CHL1: variants seen among roughly 807,000 people sequenced by gnomAD.
The protein encoded by CHL1 is cell adhesion molecule L1 like, also known as neural cell adhesion molecule L1-like protein.
Under a neutral mutation model 141.9 loss-of-function variants are expected in CHL1, and 96 were observed. The ratio of observed to expected loss-of-function variants is 0.68; its 90% CI spans 0.57 to 0.80. The LOEUF (loss-of-function observed/expected upper bound fraction) is 0.80, where lower values mean the gene tolerates loss of function less well. Ranked by LOEUF, CHL1 falls within the 30% of genes least tolerant of loss-of-function variation. CHL1 has a pLI of 0.00. For missense variants in CHL1, 1,820 were observed against 1,457.2 expected (o/e 1.25, Z -4.05); for synonymous variants, 613 against 502.2 (o/e 1.22, Z -2.95).
intron 9 of CHL1, among the ~76,000 whole-genome samples, chr3:345,455 TTTATTTATTTAA>T (rs1053861792): frequency 9.4e-5 from 13 of 138,188 alleles, no homozygotes; most frequent in Admixed American, 2.1e-4. Flanking sequence ...TATTTATTTA[TTTATTTATTTAA>T]TTATTTATTC....
At chr3:352,564 G>T (rs1161066909) in intron 10 of CHL1, among the ~76,000 whole-genome samples, 2 of 152,098 alleles carry the variant, frequency 1.3e-5, no homozygotes, top group African/African-American at 2.4e-5. Context: ...ATAGATAAAA[G>T]AATGGGTTTC....
chr3:346,764 TAA>T (rs1023498672), intron 9 of CHL1, among the ~76,000 whole-genome samples: 10 of 152,182 alleles, frequency 6.6e-5, no homozygotes, highest in African/African-American at 2.2e-4. Context: ...GATACATTTT[TAA>T]AAAGTTTTTT....
chr3:319,304 T>C (rs1034391051), intron 2 of CHL1, among the ~76,000 whole-genome samples: 2 of 151,826 alleles, frequency 1.3e-5, no homozygotes, highest in African/African-American at 2.4e-5. Flanking sequence ...GAATCATGTA[T>C]ACACCAAGAT....
At chr3:238,642 T>A (rs1159869759) in intron 1 of CHL1, among the ~76,000 whole-genome samples, 1 of 151,968 alleles carries the variant, frequency 6.6e-6, no homozygotes, top group Admixed American at 6.6e-5. Context: ...AACCCTTTTC[T>A]GGCCAGGTAC....
intron 2 of CHL1, among the ~76,000 whole-genome samples, chr3:274,754 A>G (rs1695940724): frequency 6.6e-6 from 1 of 152,242 alleles, no homozygotes; most frequent in South Asian, 2.1e-4. Flanking sequence ...TTTGTGAAAT[A>G]CAGGTGTATC....
At chr3:278,223 G>A (rs1016155819) in intron 2 of CHL1, among the ~76,000 whole-genome samples, 2 of 152,228 alleles carry the variant, frequency 1.3e-5, no homozygotes, top group South Asian at 4.1e-4. Flanking sequence ...CTTGCTGTCT[G>A]TGTATTTGAC....
chr3:401,906 T>C (rs552751328), intron 27 of CHL1, among the ~76,000 whole-genome samples: 1 of 152,328 alleles, frequency 6.6e-6, no homozygotes, highest in African/African-American at 2.4e-5. Flanking sequence ...AATTACCGTC[T>C]AGGCAGAAAT....
chr3:204,077 C>A (rs890291536), intron 1 of CHL1, among the ~76,000 whole-genome samples: 1 of 152,186 alleles, frequency 6.6e-6, no homozygotes, highest in African/African-American at 2.4e-5. Flanking sequence ...TGGGCATGCT[C>A]ATATTCAGTG....
In CHL1 at chr3:391,814, AT is replaced by A. The variant is rs1292859298; in HGVS notation, c.2914+19del. 6.4e-7 allele frequency: 1 copy of A among 1,566,866 alleles called. No individual in the cohort carries two copies. The highest frequency in any genetic ancestry group is 1.4e-5 in the African/African-American group (1 of 72,622). On this transcript the variant is annotated intron_variant, in intron 23 of 27. Coordinates refer to ENST00000256509, the MANE Select transcript of CHL1 (RefSeq NM_006614.4). ...ATCAGATAAGTAAGTAGAAATTTGA[AT>A]TGGAGTTAACTTGTTAATGTTTCAT...
In CHL1 at chr3:354,489, G is replaced by A; in HGVS notation, c.1034-151G>A. 7.6e-6 allele frequency: 6 copies of A among 787,408 alleles called. No individual in the cohort carries two copies. In the South Asian group the frequency reaches 1.1e-4, roughly 15 times the overall value. 48.8% of individuals were successfully genotyped at this position (787,408 alleles called of 1,614,324 possible). On this transcript the variant is annotated intron_variant, in intron 10 of 27. Transcript: ENST00000256509. ...ACAACACAAAAGCAGCTCCCACCTT[G>A]CTTTGCAGAGCAAGTTTACCAAAAA... is the stretch of plus-strand genomic sequence containing the variant.
intron 2 of CHL1, 143 bp from the exon 3 acceptor site, chr3:319,540 A>C (rs775730838): frequency 1.0e-4 from 45 of 434,044 alleles, no homozygotes; most frequent in Non-Finnish European, 1.6e-4. Flanking sequence ...AATTTCATTC[A>C]TGCGGAGTTA....
At chr3:353,178 C>T (rs1703411756) in intron 10 of CHL1, among the ~76,000 whole-genome samples, 1 of 152,100 alleles carries the variant, frequency 6.6e-6, no homozygotes, top group South Asian at 2.1e-4. Flanking sequence ...AGTAATTATT[C>T]AAGAAGATTT....
In CHL1 at chr3:398,295, C is replaced by G. The variant is rs1708841005; in HGVS notation, c.3163C>G (p.Pro1055Ala). Residue 1055 changes from proline (P) to alanine (A), a missense_variant, in exon 25 of 28, where the codon CCG becomes GCG. Transcript: ENST00000256509. ...QKTHPIEVFE[P>A]GAEHIVRLMT... ...GACTCACCCAATAGAGGTATTTGAG[C>G]CGGGAGCTGAACATATAGTTCGCCT... The G allele has an allele frequency of 6.2e-7, 1 of 1,606,774 alleles. No individual in the cohort carries two copies. Among genetic ancestry groups the G allele is most frequent in the Non-Finnish European group, 8.5e-7 (1 of 1,173,532 alleles).
chr3:233,727 G>A (rs896281909), intron 1 of CHL1, among the ~76,000 whole-genome samples: 2 of 151,964 alleles, frequency 1.3e-5, no homozygotes, highest in African/African-American at 2.4e-5. Context: ...CAAAGTCTCA[G>A]CATTCAATAT....
At chr3:321,536 A>C (rs1444886359) in intron 3 of CHL1, among the ~76,000 whole-genome samples, 1 of 152,112 alleles carries the variant, frequency 6.6e-6, no homozygotes, top group African/African-American at 2.4e-5. Context: ...TCCGAATAGC[A>C]ACGAAGATGC....
chr3:390,977 G>T lies in CHL1; in HGVS notation c.2609G>T (p.Ser870Ile), dbSNP rs146957636. ...CAGATAAATTGGTGGAAAACAAAAA[G>T]TCTGTTGGATGGAAGAACACATCCC... ...GYQINWWKTK[S>I]LLDGRTHPKE... Residue 870 changes from serine to isoleucine, a missense_variant, in exon 22 of 28, where the codon AGT (serine) becomes ATT (isoleucine). Physicochemically the swap from Ser to Ile is moderately radical, Grantham distance 142 (BLOSUM62 -2). Coordinates refer to ENST00000256509, the MANE Select transcript of CHL1 (RefSeq NM_006614.4). The T allele has an allele frequency of 1.2e-6, 2 of 1,613,910 alleles. No individual in the cohort carries two copies. Among genetic ancestry groups the T allele is most frequent in the East Asian group, 2.2e-5 (1 of 44,888 alleles).
At chr3:348,924 A>G (rs2047505) in intron 9 of CHL1, among the ~76,000 whole-genome samples, 145,839 of 152,322 alleles carry the variant, frequency 0.96, 70,115 homozygotes, top group East Asian at 1. Context: ...CTGACTGTTA[A>G]GTCCCACTTT....
At chr3:349,681 A>T in intron 10 of CHL1, 138 bp downstream of exon 10, 1 of 705,634 alleles carries the variant, frequency 1.4e-6, no homozygotes, top group South Asian at 2.0e-5. Flanking sequence ...GCATTGAATT[A>T]TATTACACTT....
chr3:287,860 G>T (rs750450476), intron 2 of CHL1, among the ~76,000 whole-genome samples: 2 of 152,092 alleles, frequency 1.3e-5, no homozygotes, highest in African/African-American at 4.8e-5. Context: ...CCGCCTCCCG[G>T]GTTGAAGCGA....
Sources: gnomAD v4.1 joint callset for allele counts (sites outside exome capture counted in the v4.1 genomes callset) on GRCh38, gnomAD v4.1.1 for gene constraint, MANE v1.5 for transcripts, NCBI Gene and HGNC (gene_info 2026-07-23, HGNC 2026-07-21) for gene names.